Variants in RPS6KC1 observed in about 807,000 individuals in gnomAD.
RPS6KC1 encodes the protein inactive ribosomal protein S6 kinase delta-1.
RPS6KC1 carries 54 observed loss-of-function variants against 103.8 expected under a neutral mutation model. The observed-to-expected ratio is 0.52, with a 90% CI of 0.42 to 0.65. The LOEUF (loss-of-function observed/expected upper bound fraction) is 0.65, where lower values mean the gene tolerates loss of function less well. Ranked by LOEUF, RPS6KC1 falls within the 30% of genes least tolerant of loss-of-function variation. The probability of loss-of-function intolerance (pLI) is 0.00; values close to 1 mark genes in which losing one functional copy is unlikely to be tolerated. For missense variants in RPS6KC1, 1,151 were observed against 1,253.8 expected (o/e 0.92, Z 1.24); for synonymous variants, 439 against 438.7 (o/e 1.00, Z -0.01).
chr1:213,214,564 G>T (rs538906271), intron 8 of RPS6KC1, among the ~76,000 whole-genome samples: 4 of 152,322 alleles, frequency 2.6e-5, no homozygotes, highest in African/African-American at 7.2e-5. Flanking sequence ...ATCTGAGAAT[G>T]GACAGACTGC....
chr1:213,121,863 G>A (rs181761976), intron 5 of RPS6KC1, among the ~76,000 whole-genome samples: 36 of 152,200 alleles, frequency 2.4e-4, no homozygotes, highest in African/African-American at 7.7e-4. Flanking sequence ...CTTATTGTAT[G>A]TAGCATATCT....
intron 4 of RPS6KC1, among the ~76,000 whole-genome samples, chr1:213,117,112 A>T (rs565962653): frequency 6.6e-6 from 1 of 152,234 alleles, no homozygotes; most frequent in Non-Finnish European, 1.5e-5. Context: ...CTGCCATTAA[A>T]TATCTTGGGT....
At chr1:213,082,329 G>T (rs1420619989) in intron 3 of RPS6KC1, among the ~76,000 whole-genome samples, 1 of 152,162 alleles carries the variant, frequency 6.6e-6, no homozygotes, top group Admixed American at 6.5e-5. Context: ...TACTCAGGCG[G>T]CTGAGGCAGG....
chr1:213,504,909 A>G, the RPS6KC1 span, among the ~76,000 whole-genome samples: 2 of 152,244 alleles, frequency 1.3e-5, no homozygotes, highest in East Asian at 1.9e-4. Flanking sequence ...CTTGTCTGAT[A>G]TGATGCATAG....
At position 213,272,682 on chromosome 1, in the gene RPS6KC1, G is replaced by C. The variant is rs751147831; in HGVS notation, c.*48G>C. 1.4e-6 allele frequency: 2 copies of C among 1,387,014 alleles called. No homozygotes were observed. The highest frequency in any genetic ancestry group is 2.8e-5 in the African/African-American group (2 of 70,392). The allele number at this position is 1,387,014 out of a possible 1,614,324, so 85.9% of individuals were successfully genotyped here. ...CACATTCTGATCTTCTCTGTGACAG[G>C]CATCTCCAGCACTGAGGCACCTCTG... On this transcript the variant is annotated 3_prime_UTR_variant, in exon 15 of 15. Coordinates refer to ENST00000366960, the MANE Select transcript of RPS6KC1 (RefSeq NM_012424.6).
chr1:213,281,839 C>A, the RPS6KC1 span, among the ~76,000 whole-genome samples: 1 of 152,202 alleles, frequency 6.6e-6, no homozygotes, highest in Non-Finnish European at 1.5e-5. Context: ...TTAGAATGCT[C>A]CCGTCTCTAC....
chr1:213,438,908 C>T, the RPS6KC1 span, among the ~76,000 whole-genome samples: 1 of 151,854 alleles, frequency 6.6e-6, no homozygotes, highest in Non-Finnish European at 1.5e-5. Flanking sequence ...ATTCTCCTGC[C>T]TCAGCCTCCC....
chr1:213,166,835 G>A (rs534417391), intron 6 of RPS6KC1, among the ~76,000 whole-genome samples: 1 of 152,360 alleles, frequency 6.6e-6, no homozygotes, highest in East Asian at 1.9e-4. Flanking sequence ...GGGCAGGAAT[G>A]TAGCTTTGCC....
chr1:213,841,357 G>A, the RPS6KC1 span: 1 of 152,184 alleles, frequency 6.6e-6, no homozygotes. Flanking sequence ...TCTCAGAGGT[G>A]AGAATTGAAA....
the RPS6KC1 span, among the ~76,000 whole-genome samples, chr1:213,671,630 A>G: frequency 6.6e-6 from 1 of 152,228 alleles, no homozygotes; most frequent in Non-Finnish European, 1.5e-5. Context: ...CTAAAAATAC[A>G]AAAGTTAGCT....
In RPS6KC1 at chr1:213,273,728, A is replaced by G. The variant is rs1055148987; in HGVS notation, c.*1094A>G. On this transcript the variant is annotated 3_prime_UTR_variant, in exon 15 of 15. Coordinates refer to ENST00000366960, the MANE Select transcript of RPS6KC1 (RefSeq NM_012424.6). The stretch of plus-strand genomic sequence containing the variant: ...ATTTAGAAAGAATGTAAGTATTCAC[A>G]CATCTCCAAACATTTGTATTTGTTA... 2 of 152,252 alleles carry G rather than the reference A, an allele frequency of 1.3e-5. No homozygotes were observed. Among genetic ancestry groups the G allele is most frequent in the African/African-American group, 4.8e-5 (2 of 41,466 alleles). The allele number at this position is 152,252 out of a possible 1,614,324, so 9.4% of individuals were successfully genotyped here.
the RPS6KC1 span, among the ~76,000 whole-genome samples, chr1:213,704,400 A>AC: frequency 1.3e-5 from 2 of 150,984 alleles, no homozygotes; most frequent in Non-Finnish European, 3.0e-5. Flanking sequence ...AAAAAAAAAA[A>AC]AAAAAAAAAA....
chr1:213,330,512 C>G, the RPS6KC1 span, among the ~76,000 whole-genome samples: 1 of 152,280 alleles, frequency 6.6e-6, no homozygotes, highest in Middle Eastern at 3.4e-3. Context: ...ATTCTAGATC[C>G]GTGTGCAATC....
the RPS6KC1 span, among the ~76,000 whole-genome samples, chr1:213,623,622 T>C: frequency 6.6e-6 from 1 of 152,302 alleles, no homozygotes; most frequent in Non-Finnish European, 1.5e-5. Flanking sequence ...GGAACTGTCA[T>C]ACTGAGTTGG....
At chr1:213,305,237 A>T in the RPS6KC1 span, among the ~76,000 whole-genome samples, 2 of 152,036 alleles carry the variant, frequency 1.3e-5, no homozygotes, top group Admixed American at 6.5e-5. Context: ...GGTGCGTGCC[A>T]CCACACCCAG....
the RPS6KC1 span, among the ~76,000 whole-genome samples, chr1:213,642,931 T>C: frequency 1.3e-5 from 2 of 151,916 alleles, no homozygotes; most frequent in Non-Finnish European, 2.9e-5. Flanking sequence ...TCTAACACCA[T>C]TTATTGTACA....
the RPS6KC1 span, among the ~76,000 whole-genome samples, chr1:213,563,868 A>G: frequency 6.6e-6 from 1 of 151,626 alleles, no homozygotes; most frequent in African/African-American, 2.4e-5. Context: ...TTATTTTATA[A>G]TTATTCATAC....
intron 6 of RPS6KC1, among the ~76,000 whole-genome samples, chr1:213,148,735 A>C (rs563542463): frequency 6.6e-6 from 1 of 152,274 alleles, no homozygotes; most frequent in Non-Finnish European, 1.5e-5. Flanking sequence ...TTTTCAGAAT[A>C]GTTTGAGTAG....
chr1:213,061,635 G>C (rs1372509796), intron 1 of RPS6KC1, among the ~76,000 whole-genome samples: 1 of 151,108 alleles, frequency 6.6e-6, no homozygotes, highest in Non-Finnish European at 1.5e-5. Flanking sequence ...AAATATGTCA[G>C]TATGTTAACA....
Sources: gnomAD v4.1 joint callset for allele counts (sites outside exome capture counted in the v4.1 genomes callset) on GRCh38, gnomAD v4.1.1 for gene constraint, MANE v1.5 for transcripts, NCBI Gene and HGNC (gene_info 2026-07-23, HGNC 2026-07-21) for gene names.